Variants in BICD2 observed in about 807,000 individuals in gnomAD.
BICD2 encodes the protein protein bicaudal D homolog 2.
BICD2 carries 25 observed loss-of-function variants against 72.9 expected under a neutral mutation model. The observed-to-expected ratio is 0.34, with a 90% CI of 0.25 to 0.48. The LOEUF (loss-of-function observed/expected upper bound fraction) is 0.48, where lower values mean the gene tolerates loss of function less well. Ranked by LOEUF, BICD2 falls within the 20% of genes least tolerant of loss-of-function variation. The pLI, the probability that BICD2 is intolerant of heterozygous loss-of-function variation, is 0.99. For synonymous variants in BICD2, 501 were observed against 516.1 expected (o/e 0.97, Z 0.40); for missense variants, 894 against 1,175.2 (o/e 0.76, Z 3.50).
chr9:92,763,850 C>G (rs1462945176), intron 1 of BICD2, among the ~76,000 whole-genome samples: 5 of 152,148 alleles, frequency 3.3e-5, no homozygotes, highest in African/African-American at 1.2e-4. Flanking sequence ...AGCGCAATCC[C>G]GGCCATGAGG....
At chr9:92,759,976 A>C (rs1226920611) in intron 1 of BICD2, among the ~76,000 whole-genome samples, 1 of 152,158 alleles carries the variant, frequency 6.6e-6, no homozygotes, top group Non-Finnish European at 1.5e-5. Context: ...GCTCAGACAC[A>C]AGGGCACAGG....
chr9:92,738,792 T>C (rs1853839697), intron 1 of BICD2, among the ~76,000 whole-genome samples: 1 of 152,314 alleles, frequency 6.6e-6, no homozygotes, highest in East Asian at 1.9e-4. Flanking sequence ...GGCCATCTGA[T>C]ACAACAGGAA....
intron 4 of BICD2, 113 bp from the exon 5 acceptor site, chr9:92,719,695 GC>G: frequency 1.7e-6 from 2 of 1,145,584 alleles, no homozygotes; most frequent in Non-Finnish European, 2.4e-6. Flanking sequence ...CAGGCTGTCA[GC>G]CCCAGGTTCC....
rs750614733 is a variant in BICD2, at chr9:92,719,157, G to A, written c.1488C>T (p.Arg496=). Reference sequence around the variant, plus strand: ...CCTTCTCCAGCCGGGCCAGCAGCTCGCGGTCCTGGCGGCTGGCCTTCTCTA... The same window carrying A: ...CCTTCTCCAGCCGGGCCAGCAGCTCACGGTCCTGGCGGCTGGCCTTCTCTA... ...SLLEKASRQD[R]ELLARLEKEL... is the part of the protein sequence containing the mutation. Residue 496 remains arginine (R), a synonymous_variant, in exon 5 of 7, where the codon CGC becomes CGT. Transcript: ENST00000356884. The A allele has an allele frequency of 9.9e-6, 16 of 1,611,184 alleles. No homozygotes were observed. Among genetic ancestry groups the A allele is most frequent in the South Asian group, 7.7e-5 (7 of 91,086 alleles).
intron 1 of BICD2, 40 bp from the exon 2 acceptor site, chr9:92,729,276 A>G (rs750881077): frequency 6.2e-7 from 1 of 1,603,734 alleles, no homozygotes; most frequent in Non-Finnish European, 8.5e-7. Flanking sequence ...TGGGCCTCCC[A>G]GGGGCGCCGA....
Position 92,715,207 on chromosome 9 carries a change from C to G in BICD2, c.2515G>C (p.Gly839Arg), listed in dbSNP as rs756910200. The change falls in exon 7 of 7, where the codon GGG becomes CGG. Residue 839 changes from glycine to arginine, a missense_variant. Physicochemically the swap from Gly to Arg is moderately radical, Grantham distance 125 (BLOSUM62 -2). Coordinates refer to ENST00000356884, the MANE Select transcript of BICD2 (RefSeq NM_001003800.2). ...CTGCAGAACACCTGGTTGGCCAGCC[C>G]GGTGCCCTCGGCCCTGTCGCTGGCA... Reference protein sequence around the residue: ...ACASDRAEGTGLANQVFCSEK... With the variant: ...ACASDRAEGTRLANQVFCSEK... The G allele has an allele frequency of 6.2e-7, 1 of 1,611,980 alleles. No homozygotes were observed. Among genetic ancestry groups the G allele is most frequent in the Admixed American group, 1.7e-5 (1 of 59,986 alleles).
rs547265483 is a variant in BICD2, at chr9:92,729,310, C to A, written c.241-74G>T. ...GAAGGATAGAGACCCAGCTCACAGG[C>A]GACATTCATGCTGCAGAACAACAGC... On this transcript the variant is annotated intron_variant, in intron 1 of 6. Coordinates refer to ENST00000356884, the MANE Select transcript of BICD2 (RefSeq NM_001003800.2). The A allele has an allele frequency of 5.7e-5, 84 of 1,482,434 alleles. No individual in the cohort carries two copies. The African/African-American group carries it at 1.0e-3, about 18-fold the overall frequency. 91.8% of individuals were successfully genotyped at this position (1,482,434 alleles called of 1,614,324 possible).
At chr9:92,724,125 C>T (rs936580723) in intron 2 of BICD2, among the ~76,000 whole-genome samples, 1 of 152,230 alleles carries the variant, frequency 6.6e-6, no homozygotes, top group African/African-American at 2.4e-5. Context: ...CCCAGACCAT[C>T]ACCACCCCTG....
At chr9:92,734,150 T>G (rs576822123) in intron 1 of BICD2, among the ~76,000 whole-genome samples, 6 of 152,218 alleles carry the variant, frequency 3.9e-5, no homozygotes, top group Admixed American at 1.3e-4. Context: ...AAAGAGTATA[T>G]GTTGTGCGAT....
At chr9:92,751,608 C>G (rs1236134777) in intron 1 of BICD2, among the ~76,000 whole-genome samples, 1 of 152,136 alleles carries the variant, frequency 6.6e-6, no homozygotes, top group Non-Finnish European at 1.5e-5. Flanking sequence ...AATTAAGTTA[C>G]TGGATGGTGG....
intron 1 of BICD2, among the ~76,000 whole-genome samples, chr9:92,741,780 G>T (rs1223056828): frequency 6.6e-6 from 1 of 152,162 alleles, no homozygotes; most frequent in African/African-American, 2.4e-5. Context: ...ACACTTAAAA[G>T]ACATCAGAAG....
At chr9:92,722,586 G>C in intron 3 of BICD2, 70 bp downstream of exon 3, 1 of 1,597,642 alleles carries the variant, frequency 6.3e-7, no homozygotes, top group African/African-American at 1.3e-5. Flanking sequence ...CAGGGAGAGG[G>C]GCTGAGCAAG....
chr9:92,763,384 C>A (rs1854410879), intron 1 of BICD2, among the ~76,000 whole-genome samples: 1 of 152,164 alleles, frequency 6.6e-6, no homozygotes, highest in African/African-American at 2.4e-5. Flanking sequence ...AGGGAGCACA[C>A]CACCAAGCTA....
At chr9:92,756,712 C>G (rs1854265540) in intron 1 of BICD2, among the ~76,000 whole-genome samples, 1 of 151,198 alleles carries the variant, frequency 6.6e-6, no homozygotes, top group Admixed American at 6.6e-5. Context: ...ACTAAAAATA[C>G]AAAAGTTAGC....
chr9:92,724,180 T>C (rs992318893), intron 2 of BICD2, among the ~76,000 whole-genome samples: 1 of 152,206 alleles, frequency 6.6e-6, no homozygotes, highest in African/African-American at 2.4e-5. Context: ...CTGTCCATCT[T>C]GCGGGCCCCA....
At chr9:92,716,122 GGGCTCCCAGGGCGGTGAGGCTGTGCA>G (rs1413586732) in intron 6 of BICD2, among the ~76,000 whole-genome samples, 2 of 152,118 alleles carry the variant, frequency 1.3e-5, no homozygotes, top group Non-Finnish European at 2.9e-5. Flanking sequence ...TTAAATCCCA[GGGCTCCCAGGGCGGTGAGGCTGTGCA>G]GGCACTGAGC....
At chr9:92,728,007 G>A (rs747329710) in intron 2 of BICD2, among the ~76,000 whole-genome samples, 5 of 152,184 alleles carry the variant, frequency 3.3e-5, no homozygotes, top group Admixed American at 6.5e-5. Context: ...ATTAAAATAT[G>A]TGCCAGTCAG....
intron 1 of BICD2, among the ~76,000 whole-genome samples, chr9:92,729,874 G>A (rs1287003103): frequency 6.6e-6 from 1 of 152,374 alleles, no homozygotes; most frequent in South Asian, 2.1e-4. Context: ...ACGTGGCAAA[G>A]AAGTGCAGGG....
At chr9:92,762,303 C>G (rs1052471892) in intron 1 of BICD2, among the ~76,000 whole-genome samples, 8 of 151,928 alleles carry the variant, frequency 5.3e-5, no homozygotes, top group Non-Finnish European at 1.2e-4. Context: ...TAGCAAGAGC[C>G]TGTGTTGGCA....
Sources: gnomAD v4.1 joint callset for allele counts (sites outside exome capture counted in the v4.1 genomes callset) on GRCh38, gnomAD v4.1.1 for gene constraint, MANE v1.5 for transcripts, NCBI Gene and HGNC (gene_info 2026-07-23, HGNC 2026-07-21) for gene names.